The following CDH23 variants were observed in gnomAD, a reference collection of about 807,000 sequenced individuals.
CDH23 encodes the protein cadherin-23.
In CDH23, 189 loss-of-function variants were observed where a neutral mutation model predicts 317.1. The observed-to-expected ratio is 0.60, with a 90% CI of 0.53 to 0.67. The LOEUF (loss-of-function observed/expected upper bound fraction) is 0.67, where lower values mean the gene tolerates loss of function less well. CDH23 is among the 30% of genes least tolerant of loss of function. The pLI, the probability that CDH23 is intolerant of heterozygous loss-of-function variation, is 0.00. For synonymous variants in CDH23, 1,839 were observed against 1,876.8 expected (o/e 0.98, Z 0.52); for missense variants, 4,401 against 4,592.4 (o/e 0.96, Z 1.20).
At chr10:71,669,236 CTACCTGG>C (rs60772991) in intron 14 of CDH23, among the ~76,000 whole-genome samples, 3,062 of 152,296 alleles carry the variant, frequency 0.02, 107 homozygotes, top group African/African-American at 0.068. Context: ...TCTCCAGGAG[CTACCTGG>C]ACTTCTAGGT....
chr10:71,463,901 C>G (rs2132068124), intron 3 of CDH23, among the ~76,000 whole-genome samples: 1 of 152,314 alleles, frequency 6.6e-6, no homozygotes, highest in Admixed American at 6.5e-5. Flanking sequence ...TGTTTTCTAC[C>G]CAATACCCAA....
In CDH23 at chr10:71,709,329, G is replaced by A. The variant is rs1479032010; in HGVS notation, c.3220+118G>A. ...CTCTGCCCAGATGCCAGTGGAGAAA[G>A]GGCCACCAGGCACTCACCAAACATT... is the stretch of plus-strand genomic sequence containing the variant. On this transcript the variant is annotated intron_variant, in intron 27 of 69. Transcript: ENST00000224721. 8 of 810,514 alleles carry A rather than the reference G, an allele frequency of 9.9e-6. No homozygotes were observed. The South Asian group carries it at 1.0e-4, about 10-fold the overall frequency. The allele number at this position is 810,514 out of a possible 1,614,324, so 50.2% of individuals were successfully genotyped here. A position where few individuals can be genotyped will look rare whatever the true frequency, so the allele number is the denominator to read the frequency against.
At chr10:71,639,457 C>T (rs1862430312) in intron 11 of CDH23, among the ~76,000 whole-genome samples, 1 of 152,208 alleles carries the variant, frequency 6.6e-6, no homozygotes, top group Non-Finnish European at 1.5e-5. Context: ...TGTGGGCCTC[C>T]TTCTGCCACG....
Position 71,793,459 on chromosome 10 carries a change from C to A in CDH23, c.6531C>A (p.Pro2177=). The A allele has an allele frequency of 6.2e-7, 1 of 1,614,030 alleles. No individual in the cohort carries two copies. The highest frequency in any genetic ancestry group is 1.1e-5 in the South Asian group (1 of 91,080). The change falls in exon 48 of 70, where the codon CCC becomes CCA. Residue 2177 remains proline, a synonymous_variant. Transcript: ENST00000224721. The part of the protein sequence containing the change: ...INDSRPEFLN[P]IQTVSVLESA... ...ACTCCCGCCCCGAGTTCCTCAACCCCATCCAGACAGTGAGCGTGCTGGAGT... is the reference window on the plus strand; with the variant it reads ...ACTCCCGCCCCGAGTTCCTCAACCCAATCCAGACAGTGAGCGTGCTGGAGT...
At chr10:71,434,585 C>T (rs1849537551) in intron 1 of CDH23, among the ~76,000 whole-genome samples, 1 of 152,166 alleles carries the variant, frequency 6.6e-6, no homozygotes, top group Non-Finnish European at 1.5e-5. Flanking sequence ...TGAACCACCT[C>T]TCAGAGCCTC....
At chr10:71,576,810 C>A (rs1367864453) in intron 8 of CDH23, among the ~76,000 whole-genome samples, 1 of 152,172 alleles carries the variant, frequency 6.6e-6, no homozygotes, top group Non-Finnish European at 1.5e-5. Context: ...ACCTTCCACC[C>A]TAAGGTTTAA....
rs185927391 is a variant in CDH23 at position 71,636,290 on chromosome 10, C to G, written c.1135-7571C>G. On this transcript the variant is annotated intron_variant, in intron 11 of 69. Coordinates refer to ENST00000224721, the MANE Select transcript of CDH23 (RefSeq NM_022124.6). ...ATCCCAGCACTTTGGGAAGCCGAGG[C>G]GGGAGGATGGCTTGAGCCCAGGAGT... is the stretch of plus-strand genomic sequence containing the variant. Among the ~76,000 whole-genome samples, 1,243 of 152,138 alleles carry G rather than the reference C, an allele frequency of 8.2e-3. 24 individuals are homozygous for G. The highest frequency in any genetic ancestry group is 0.029 in the African/African-American group (1,195 of 41,492).
chr10:71,793,432 T>C lies in CDH23; in HGVS notation c.6504T>C (p.Asn2168=), dbSNP rs768921154. 2.5e-6 allele frequency: 4 copies of C among 1,613,910 alleles called. No homozygotes were observed. The highest frequency in any genetic ancestry group is 2.7e-5 in the African/African-American group (2 of 74,936). Residue 2168 remains asparagine (N), a synonymous_variant, in exon 48 of 70, where the codon AAT becomes AAC. Transcript: ENST00000224721. ...TCACCATTCTGATCGATGACATCAA[T>C]GACTCCCGCCCCGAGTTCCTCAACC... ...AIVTILIDDI[N]DSRPEFLNPI...
intron 38 of CDH23, among the ~76,000 whole-genome samples, chr10:71,762,988 G>A (rs1840433874): frequency 6.6e-6 from 1 of 152,128 alleles, no homozygotes; most frequent in African/African-American, 2.4e-5. Context: ...TTGGATAGAG[G>A]CCGCGTTTCT....
intron 3 of CDH23, among the ~76,000 whole-genome samples, chr10:71,447,610 G>A (rs1850235382): frequency 6.6e-6 from 1 of 152,168 alleles, no homozygotes; most frequent in Non-Finnish European, 1.5e-5. Flanking sequence ...GATCAGTGTT[G>A]TAAGGCTAGA....
At chr10:71,674,222 T>G (rs767808685) in intron 14 of CDH23, among the ~76,000 whole-genome samples, 17 of 152,250 alleles carry the variant, frequency 1.1e-4, no homozygotes, top group Non-Finnish European at 2.5e-4. Flanking sequence ...CTTCCTGAAC[T>G]GAATGTACTA....
intron 38 of CDH23, chr10:71,753,032 A>G (rs755279974): frequency 4.3e-6 from 7 of 1,609,424 alleles, no homozygotes; most frequent in Middle Eastern, 3.3e-4. Flanking sequence ...GAAGCTGGTC[A>G]TGGAAGGGAA....
chr10:71,445,848 A>C (rs1309974375), intron 2 of CDH23, among the ~76,000 whole-genome samples: 2 of 12,904 alleles, frequency 1.5e-4, no homozygotes, highest in African/African-American at 4.6e-4. Context: ...ACTCTGTCTC[A>C]AAAAAAAAAA....
At chr10:71,564,970 T>C (rs992974751) in intron 6 of CDH23, among the ~76,000 whole-genome samples, 5 of 152,246 alleles carry the variant, frequency 3.3e-5, no homozygotes, top group African/African-American at 4.8e-5. Flanking sequence ...ATATTATTCA[T>C]GGCTAGATAT....
chr10:71,719,068 A>G (rs979940520), intron 28 of CDH23, among the ~76,000 whole-genome samples: 1 of 151,904 alleles, frequency 6.6e-6, no homozygotes, highest in Middle Eastern at 3.4e-3. Context: ...ACAGAGCAAC[A>G]CTCTGTCTCA....
At position 71,803,234 on chromosome 10, in the gene CDH23, G is replaced by A. The variant is rs556439248; in HGVS notation, c.7686G>A (p.Ser2562=). 1.7e-5 allele frequency: 27 copies of A among 1,603,036 alleles called. No homozygotes were observed. Among genetic ancestry groups the A allele is most frequent in the Middle Eastern group, 1.7e-4 (1 of 6,048 alleles). Residue 2562 remains serine (S), a synonymous_variant, in exon 55 of 70, where the codon TCG becomes TCA. Transcript: ENST00000224721. ...GVEAFHVDMD[S]GLVTTQRPLQ... is the part of the protein sequence containing the mutation. ...AGGCCTTCCATGTGGACATGGACTC[G>A]GGCTTGGTGACCACACAGCGGCCAC...
intron 6 of CDH23, among the ~76,000 whole-genome samples, chr10:71,539,125 C>A (rs1338737747): frequency 1.3e-5 from 2 of 152,202 alleles, no homozygotes; most frequent in Admixed American, 1.3e-4. Context: ...TAGTTCTCTC[C>A]CCACTGGTGG....
intron 9 of CDH23, among the ~76,000 whole-genome samples, chr10:71,591,058 C>A (rs1261074266): frequency 1.3e-5 from 2 of 151,938 alleles, no homozygotes; most frequent in Non-Finnish European, 2.9e-5. Flanking sequence ...ACCAAGCCAC[C>A]AAGAAGCTTG....
intron 3 of CDH23, among the ~76,000 whole-genome samples, chr10:71,495,950 T>C (rs1374771194): frequency 1.3e-5 from 2 of 152,320 alleles, no homozygotes; most frequent in East Asian, 3.9e-4. Flanking sequence ...TTAGTGGCAA[T>C]TGGGAGCTTG....
Sources: gnomAD v4.1 joint callset for allele counts (sites outside exome capture counted in the v4.1 genomes callset) on GRCh38, gnomAD v4.1.1 for gene constraint, MANE v1.5 for transcripts, NCBI Gene and HGNC (gene_info 2026-07-23, HGNC 2026-07-21) for gene names.